ADAMTS17: variants seen among roughly 807,000 people sequenced by gnomAD.
The protein encoded by ADAMTS17 is ADAM metallopeptidase with thrombospondin type 1 motif 17, also known as A disintegrin and metalloproteinase with thrombospondin motifs 17.
Under a neutral mutation model 141.5 loss-of-function variants are expected in ADAMTS17, and 113 were observed. That is an observed-to-expected ratio of 0.80 (90% CI 0.69 to 0.93). The LOEUF (loss-of-function observed/expected upper bound fraction) is 0.93, where lower values mean the gene tolerates loss of function less well. Among genes scored for constraint, ADAMTS17 ranks in the 40% least tolerant of loss-of-function variants. The pLI, the probability that ADAMTS17 is intolerant of heterozygous loss-of-function variation, is 0.00. For missense variants in ADAMTS17, 1,659 were observed against 1,517.9 expected (o/e 1.09, Z -1.54); for synonymous variants, 768 against 630.6 (o/e 1.22, Z -3.27).
intron 18 of ADAMTS17, among the ~76,000 whole-genome samples, chr15:100,003,168 A>G (rs1439596334): frequency 6.6e-6 from 1 of 152,066 alleles, no homozygotes; most frequent in East Asian, 1.9e-4. Flanking sequence ...ATAAGAGAGG[A>G]GCACAAATGC....
intron 3 of ADAMTS17, among the ~76,000 whole-genome samples, chr15:100,310,547 G>A (rs965423705): frequency 3.9e-5 from 6 of 152,150 alleles, no homozygotes; most frequent in African/African-American, 1.4e-4. Flanking sequence ...CCCCAATTCT[G>A]GAGCACGCCT....
chr15:100,212,611 C>G (rs985310324), intron 7 of ADAMTS17, among the ~76,000 whole-genome samples: 4 of 152,012 alleles, frequency 2.6e-5, no homozygotes, highest in African/African-American at 9.7e-5. Flanking sequence ...AAAAAAAAAC[C>G]CTCTCTGATG....
rs117303442 is a variant in ADAMTS17 at position 100,138,996 on chromosome 15, G to C, written c.1474-5681C>G. ...AAGAGACTAGCTTGAAGGCGCATGG[G>C]GGGTATTTTGGGCGATGGACCTGTT... On this transcript the variant is annotated intron_variant, in intron 10 of 21. Transcript: ENST00000268070. Among the ~76,000 whole-genome samples, 872 of 152,270 alleles carry C rather than the reference G, an allele frequency of 5.7e-3. 5 individuals are homozygous for C. The highest frequency in any genetic ancestry group is 0.014 in the Middle Eastern group (4 of 294).
chr15:100,276,680 C>T (rs1196345322), intron 4 of ADAMTS17, among the ~76,000 whole-genome samples: 1 of 152,084 alleles, frequency 6.6e-6, no homozygotes, highest in Non-Finnish European at 1.5e-5. Context: ...CACAGCCCCA[C>T]AGAAAACATG....
intron 15 of ADAMTS17, among the ~76,000 whole-genome samples, chr15:100,058,228 T>C (rs77347691): frequency 0.051 from 432 of 8,444 alleles, 43 homozygotes; most frequent in African/African-American, 0.1. Context: ...GCTCCAACAC[T>C]CCTATCCCAG....
chr15:100,048,909 T>G lies in ADAMTS17; in HGVS notation c.2539A>C (p.Ser847Arg). ...LVNDSDCPQASRPEPQVRRCN... is the reference protein window; with the variant it reads ...LVNDSDCPQARRPEPQVRRCN... ...CTTCGGACCTGGGGCTCTGGGCGGC[T>G]TGCTTGAGGGCAGTCACTGTCGTTC... The change falls in exon 18 of 22, where the codon AGC becomes CGC. Residue 847 changes from serine (S) to arginine (R), a missense_variant. Transcript: ENST00000268070. The G allele has an allele frequency of 6.2e-7, 1 of 1,614,170 alleles. No individual in the cohort carries two copies. Among genetic ancestry groups the G allele is most frequent in the South Asian group, 1.1e-5 (1 of 91,078 alleles).
chr15:100,096,494 C>G lies in ADAMTS17; in HGVS notation c.2017-18G>C, dbSNP rs200626939. On this transcript the variant is annotated intron_variant, in intron 14 of 21. Coordinates refer to ENST00000268070, the MANE Select transcript of ADAMTS17 (RefSeq NM_139057.4). Reference sequence around the variant, plus strand: ...CCGATTTTCTAAAGAACCAGAGGGCCTCATTATTCTGTGGTTAAGACTCAG... The same window carrying G: ...CCGATTTTCTAAAGAACCAGAGGGCGTCATTATTCTGTGGTTAAGACTCAG... 15 of 1,613,910 alleles carry G rather than the reference C, an allele frequency of 9.3e-6. No homozygotes were observed. The highest frequency in any genetic ancestry group is 1.3e-5 in the Non-Finnish European group (15 of 1,180,016).
At chr15:100,033,615 G>A (rs1182189432) in intron 18 of ADAMTS17, among the ~76,000 whole-genome samples, 1 of 152,128 alleles carries the variant, frequency 6.6e-6, no homozygotes, top group African/African-American at 2.4e-5. Flanking sequence ...TCTTTACCAT[G>A]CTCCCGTTTG....
intron 18 of ADAMTS17, among the ~76,000 whole-genome samples, chr15:100,038,785 T>G (rs2030987812): frequency 6.6e-6 from 1 of 152,240 alleles, no homozygotes. Flanking sequence ...CTTCTTCTAT[T>G]CAAACATGGA....
chr15:100,199,195 C>A, intron 8 of ADAMTS17, 123 bp downstream of exon 8: 1 of 923,942 alleles, frequency 1.1e-6, no homozygotes, highest in Admixed American at 1.8e-5. Flanking sequence ...GACCTGGGTC[C>A]TTTATTGCAG....
At chr15:100,221,877 T>G (rs556385567) in intron 7 of ADAMTS17, among the ~76,000 whole-genome samples, 60 of 152,304 alleles carry the variant, frequency 3.9e-4, no homozygotes, top group African/African-American at 1.4e-3. Flanking sequence ...GGCCCGGCCT[T>G]GCACACTCCT....
intron 18 of ADAMTS17, among the ~76,000 whole-genome samples, chr15:100,010,004 C>G (rs960364145): frequency 6.6e-6 from 1 of 152,168 alleles, no homozygotes; most frequent in Admixed American, 6.5e-5. Context: ...GTAACTGAAT[C>G]ATGAGGGTGG....
rs187691272 is a variant in ADAMTS17, at chr15:100,288,658, T to G, written c.617-7257A>C. Among the ~76,000 whole-genome samples, 3 of 152,188 alleles carry G rather than the reference T, an allele frequency of 2.0e-5. No individual in the cohort carries two copies. The East Asian group carries it at 5.8e-4, about 29-fold the overall frequency. On this transcript the variant is annotated intron_variant, in intron 3 of 21. Transcript: ENST00000268070. ...CACATTCACAAAAAACCCAAAATTA[T>G]ATCAGTCACACTGTCAGAACAGTGC...
chr15:100,109,795 T>C (rs1473375047), intron 13 of ADAMTS17, among the ~76,000 whole-genome samples: 6 of 152,132 alleles, frequency 3.9e-5, no homozygotes, highest in Admixed American at 3.9e-4. Flanking sequence ...CTTTGCCCGG[T>C]GTGCGCTCTC....
intron 7 of ADAMTS17, among the ~76,000 whole-genome samples, chr15:100,214,087 G>A (rs1013383515): frequency 6.6e-6 from 1 of 152,184 alleles, no homozygotes; most frequent in Admixed American, 6.5e-5. Flanking sequence ...AAAAAAGCCT[G>A]GATAGAGTTA....
Position 99,973,830 on chromosome 15 carries a change from A to G in ADAMTS17, c.*572T>C, listed in dbSNP as rs751250175. The G allele has an allele frequency of 3.0e-4, 58 of 193,570 alleles. No homozygotes were observed. Among genetic ancestry groups the G allele is most frequent in the Non-Finnish European group, 5.5e-4 (51 of 93,362 alleles). 12.0% of individuals were successfully genotyped at this position (193,570 alleles called of 1,614,324 possible). On this transcript the variant is annotated 3_prime_UTR_variant, in exon 22 of 22. Transcript: ENST00000268070. ...AGGCAACACCTAGGATTTAGAGACT[A>G]TGTTCTCAGAGACGGGCATGGAGGC...
At chr15:100,077,102 A>G (rs1410118135) in intron 15 of ADAMTS17, among the ~76,000 whole-genome samples, 1 of 151,930 alleles carries the variant, frequency 6.6e-6, no homozygotes, top group Non-Finnish European at 1.5e-5. Flanking sequence ...AGGATTCTAC[A>G]TTATGATCAA....
chr15:100,325,965 G>A (rs2045887276), intron 3 of ADAMTS17, among the ~76,000 whole-genome samples: 2 of 152,062 alleles, frequency 1.3e-5, no homozygotes. Flanking sequence ...TTGGCCTCCA[G>A]AACTATGAAT....
chr15:100,102,310 G>A (rs964100950), intron 14 of ADAMTS17, among the ~76,000 whole-genome samples: 14 of 150,146 alleles, frequency 9.3e-5, no homozygotes, highest in Non-Finnish European at 1.5e-4. Flanking sequence ...AGGGCCGACC[G>A]AAGGGGATCT....
Sources: gnomAD v4.1 joint callset for allele counts (sites outside exome capture counted in the v4.1 genomes callset) on GRCh38, gnomAD v4.1.1 for gene constraint, MANE v1.5 for transcripts, NCBI Gene and HGNC (gene_info 2026-07-23, HGNC 2026-07-21) for gene names.